The following USP47 variants were observed in gnomAD, a reference collection of about 807,000 sequenced individuals.
USP47 encodes the protein ubiquitin specific peptidase 47.
A neutral mutation model predicts 165.1 loss-of-function variants in USP47; 35 were observed. The ratio of observed to expected loss-of-function variants is 0.21; its 90% CI spans 0.16 to 0.28. The LOEUF (loss-of-function observed/expected upper bound fraction) is 0.28, where lower values mean the gene tolerates loss of function less well. Among genes scored for constraint, USP47 ranks in the 10% least tolerant of loss-of-function variants. The pLI is 1.00. For synonymous variants in USP47, 531 were observed against 544.5 expected, an observed-to-expected ratio of 0.98 and a Z score of 0.35; for missense variants, 1,277 against 1,607.4, an observed-to-expected ratio of 0.79 and a Z score of 3.52.
Position 11,880,231 on chromosome 11 carries a change from A to G in USP47, c.94A>G (p.Asn32Asp). The G allele has an allele frequency of 1.4e-6, 2 of 1,467,118 alleles. No homozygotes were observed. Among genetic ancestry groups the G allele is most frequent in the Non-Finnish European group, 1.8e-6 (2 of 1,121,046 alleles). 90.9% of individuals were successfully genotyped at this position (1,467,118 alleles called of 1,614,324 possible). A position where few individuals can be genotyped will look rare whatever the true frequency, so the allele number is the denominator to read the frequency against. ...RVLCIIQDTT[N>D]SKTVNERITL... is the part of the protein sequence containing the mutation. Reference sequence around the variant, plus strand: ...CTTATGTATTATACAAGATACTACTAATTCAAAGACAGTGAATGAACGGAT... The same window carrying G: ...CTTATGTATTATACAAGATACTACTGATTCAAAGACAGTGAATGAACGGAT... Residue 32 changes from asparagine (N) to aspartate (D), a missense_variant, in exon 2 of 28, where the codon AAT becomes GAT. Asn to Asp is a conservative substitution (Grantham distance 23). Transcript: ENST00000527733.
intron 27 of USP47, among the ~76,000 whole-genome samples, chr11:11,955,713 C>T (rs1444972207): frequency 6.6e-6 from 1 of 152,196 alleles, no homozygotes; most frequent in East Asian, 1.9e-4. Context: ...AGAATTAGAG[C>T]TGTTGCATGT....
chr11:11,927,246 G>C (rs1304767206), intron 11 of USP47, among the ~76,000 whole-genome samples: 2 of 151,832 alleles, frequency 1.3e-5, no homozygotes, highest in African/African-American at 2.4e-5. Context: ...CTTTGGTTTT[G>C]TTCAGTTTGA....
chr11:11,903,382 T>G (rs1377850362), intron 7 of USP47, 40 bp downstream of exon 7: 1 of 1,562,492 alleles, frequency 6.4e-7, no homozygotes, highest in East Asian at 2.3e-5. Context: ...TGTTTCCTAA[T>G]AAATCACTTG....
Position 11,892,028 on chromosome 11 carries a change from G to C in USP47, c.418G>C (p.Glu140Gln). The C allele has an allele frequency of 6.2e-7, 1 of 1,613,968 alleles. No homozygotes were observed. Among genetic ancestry groups the C allele is most frequent in the Non-Finnish European group, 8.5e-7 (1 of 1,179,892 alleles). Residue 140 changes from glutamate (E) to glutamine (Q), a missense_variant, in exon 4 of 28, where the codon GAA (glutamate) becomes CAA (glutamine). This residue lies in a region of USP47 where 181 missense variants were observed against 194.7 expected (regional missense o/e 0.93). Coordinates refer to ENST00000527733, the MANE Select transcript of USP47 (RefSeq NM_001282659.2). ...HDRFIGPLPR[E>Q]GSGGSTSDYV... ...CAGGTTTATAGGTCCGCTTCCAAGA[G>C]AAGGTTCTGGGGGTTCTACCAGTGA... is the stretch of plus-strand genomic sequence containing the variant.
At chr11:11,899,024 G>A (rs1287146328) in intron 5 of USP47, among the ~76,000 whole-genome samples, 10 of 152,216 alleles carry the variant, frequency 6.6e-5, no homozygotes, top group Non-Finnish European at 1.5e-4. Context: ...TTGCCTGAAA[G>A]CACACTGCTA....
intron 11 of USP47, among the ~76,000 whole-genome samples, chr11:11,929,024 A>G (rs573546796): frequency 6.6e-6 from 1 of 152,166 alleles, no homozygotes; most frequent in East Asian, 1.9e-4. Flanking sequence ...TATATTCCTC[A>G]GCTCTTTTGT....
chr11:11,882,370 A>G (rs2134317500), intron 2 of USP47, among the ~76,000 whole-genome samples: 1 of 152,290 alleles, frequency 6.6e-6, no homozygotes, highest in East Asian at 1.9e-4. Context: ...CAGGAGAATC[A>G]AAGATGTTTG....
At chr11:11,938,932 C>G (rs1855274722) in intron 18 of USP47, among the ~76,000 whole-genome samples, 1 of 151,836 alleles carries the variant, frequency 6.6e-6, no homozygotes, top group South Asian at 2.1e-4. Context: ...GCACCGATGA[C>G]CTGAGCCAGG....
In USP47 at chr11:11,842,029, CGCGCTGGTGTCTGA is replaced by C; in HGVS notation, c.-155_-142del. The C allele has an allele frequency of 1.1e-6, 1 of 870,334 alleles. No homozygotes were observed. The highest frequency in any genetic ancestry group is 1.9e-5 in the South Asian group (1 of 53,286). 53.9% of individuals were successfully genotyped at this position (870,334 alleles called of 1,614,324 possible). On this transcript the variant is annotated 5_prime_UTR_variant, in exon 1 of 28. Coordinates refer to ENST00000527733, the MANE Select transcript of USP47 (RefSeq NM_001282659.2). Reference sequence around the variant, plus strand: ...CGGCGGAGCCCTGGGTCGGTGTCTGCGCGCTGGTGTCTGAGGCCCAGGCTGAGGCCTCCGCTATT... The same window carrying C: ...CGGCGGAGCCCTGGGTCGGTGTCTGCGGCCCAGGCTGAGGCCTCCGCTATT...
chr11:11,842,464 A>G (rs1848183887), intron 1 of USP47, among the ~76,000 whole-genome samples: 1 of 152,166 alleles, frequency 6.6e-6, no homozygotes, highest in South Asian at 2.1e-4. Context: ...CGAATAAAGG[A>G]GCGGACGGGA....
chr11:11,903,465 A>G (rs1175330071), intron 7 of USP47, 123 bp downstream of exon 7: 13 of 838,480 alleles, frequency 1.6e-5, no homozygotes, highest in East Asian at 8.3e-5. Flanking sequence ...AAAGTACCCA[A>G]TGGGAAATTG....
In USP47 at chr11:11,846,187, T is replaced by G. The variant is rs573389779; in HGVS notation, c.39+3963T>G. Among the ~76,000 whole-genome samples, 12 of 152,298 alleles carry G rather than the reference T, an allele frequency of 7.9e-5. No homozygotes were observed. The South Asian group carries it at 2.1e-3, about 26-fold the overall frequency. ...GAATTGTAGTATATTGATTTCTGCT[T>G]TGAGGTCTCTTTTAATAGCATCCCA... On this transcript the variant is annotated intron_variant, in intron 1 of 27. Transcript: ENST00000527733.
Position 11,841,984 on chromosome 11 carries a change from T to TTC in USP47, c.-202_-201insTC. On this transcript the variant is annotated 5_prime_UTR_variant, in exon 1 of 28. Coordinates refer to ENST00000527733, the MANE Select transcript of USP47 (RefSeq NM_001282659.2). ...GGGAGGGGCCGACGACGAAGGCGGC[T>TTC]GTGGTAGCGGCGGCGGCGGCGGCGG... is the stretch of plus-strand genomic sequence containing the variant. 3.7e-6 allele frequency: 2 copies of TTC among 535,570 alleles called. No homozygotes were observed. Among genetic ancestry groups the TTC allele is most frequent in the East Asian group, 3.3e-5 (1 of 30,002 alleles). 33.2% of individuals were successfully genotyped at this position (535,570 alleles called of 1,614,324 possible). A position where few individuals can be genotyped will look rare whatever the true frequency, so the allele number is the denominator to read the frequency against.
intron 14 of USP47, 110 bp downstream of exon 14, chr11:11,930,861 T>C: frequency 2.6e-6 from 2 of 770,722 alleles, no homozygotes; most frequent in Non-Finnish European, 2.0e-6. Flanking sequence ...TTAAGTTGTT[T>C]TATGCCTGGA....
chr11:11,909,068 G>C (rs1349682220), intron 8 of USP47, among the ~76,000 whole-genome samples: 1 of 152,078 alleles, frequency 6.6e-6, no homozygotes, highest in Non-Finnish European at 1.5e-5. Context: ...TATCTCAAGA[G>C]ACATTAGGAT....
chr11:11,911,505 C>G (rs6416114), intron 8 of USP47, among the ~76,000 whole-genome samples: 135,308 of 152,192 alleles, frequency 0.89, 60,551 homozygotes, highest in East Asian at 1. Flanking sequence ...AAAATTACCA[C>G]AGACAGAGAG....
intron 4 of USP47, among the ~76,000 whole-genome samples, chr11:11,896,640 T>G (rs546388916): frequency 1.2e-4 from 19 of 152,290 alleles, no homozygotes; most frequent in African/African-American, 3.6e-4. Context: ...ATAGGAGAGA[T>G]AGAAGTCAGA....
chr11:11,851,890 TG>T (rs1848747399), intron 1 of USP47, among the ~76,000 whole-genome samples: 1 of 152,160 alleles, frequency 6.6e-6, no homozygotes, highest in East Asian at 1.9e-4. Flanking sequence ...TTATCACAGA[TG>T]GGATGTGTTC....
chr11:11,934,996 A>G (rs1253247591), intron 16 of USP47, among the ~76,000 whole-genome samples: 3 of 152,140 alleles, frequency 2.0e-5, no homozygotes, highest in African/African-American at 4.8e-5. Context: ...ATCCAGTGCA[A>G]TCTGCACCAG....
Sources: allele counts gnomAD v4.1 joint callset (sites outside exome capture counted in the v4.1 genomes callset), GRCh38; gene constraint gnomAD v4.1.1; regional missense constraint gnomAD v4.1.1; transcripts MANE v1.5; gene names NCBI Gene and HGNC (gene_info 2026-07-23, HGNC 2026-07-21).